Variants in ABL1 observed in about 807,000 individuals in gnomAD.
ABL1 encodes the protein tyrosine-protein kinase ABL1.
A neutral mutation model predicts 94.7 loss-of-function variants in ABL1; 11 were observed. The observed-to-expected ratio is 0.12, with a 90% CI of 0.07 to 0.19. ABL1 has a LOEUF of 0.19. Among genes scored for constraint, ABL1 ranks in the 10% least tolerant of loss-of-function variants. ABL1 has a pLI of 1.00. For synonymous variants in ABL1, 656 were observed against 622.4 expected (o/e 1.05, Z -0.80); for missense variants, 1,082 against 1,489.4 (o/e 0.73, Z 4.50).
At chr9:130,789,339 A>G (rs1253839928) in intron 1 of ABL1, among the ~76,000 whole-genome samples, 1 of 152,234 alleles carries the variant, frequency 6.6e-6, no homozygotes, top group African/African-American at 2.4e-5. Context: ...CTGCTCCCAC[A>G]TGGGTGTAGA....
intron 1 of ABL1, among the ~76,000 whole-genome samples, chr9:130,809,008 C>T (rs1350044146): frequency 1.3e-5 from 2 of 152,078 alleles, no homozygotes; most frequent in African/African-American, 2.4e-5. Flanking sequence ...GACCGCGGTG[C>T]GGGGAGAAGG....
At chr9:130,781,630 A>G (rs1829757356) in intron 1 of ABL1, among the ~76,000 whole-genome samples, 1 of 152,232 alleles carries the variant, frequency 6.6e-6, no homozygotes, top group Non-Finnish European at 1.5e-5. Context: ...CAAGGGGATT[A>G]TCCAAATTCC....
intron 1 of ABL1, among the ~76,000 whole-genome samples, chr9:130,767,757 G>C (rs1231823629): frequency 6.6e-6 from 1 of 152,226 alleles, no homozygotes; most frequent in Non-Finnish European, 1.5e-5. Flanking sequence ...ACGTGTGCAT[G>C]TGTGTGCACA....
Position 130,885,528 on chromosome 9 carries a change from A to G in ABL1, c.3238A>G (p.Lys1080Glu). ...YVDSIQQMRNKFAFREAINKL... is the reference protein window; with the variant it reads ...YVDSIQQMRNEFAFREAINKL... The stretch of plus-strand genomic sequence containing the variant: ...GGATTCCATCCAGCAAATGAGGAAC[A>G]AGTTTGCCTTCCGAGAGGCCATCAA... The change falls in exon 11 of 11, where the codon AAG (lysine) becomes GAG (glutamate). Residue 1080 changes from lysine to glutamate, a missense_variant. Lys to Glu is a moderately conservative substitution (Grantham distance 56, BLOSUM62 1). Around this residue, in one of 7 missense-constraint regions of ABL1, gnomAD observed 780 missense variants for 835.8 expected, o/e 0.93. Coordinates refer to ENST00000318560, the MANE Select transcript of ABL1 (RefSeq NM_005157.6). 1 of 1,614,182 alleles carries G rather than the reference A, an allele frequency of 6.2e-7. No individual in the cohort carries two copies. Among genetic ancestry groups the G allele is most frequent in the Non-Finnish European group, 8.5e-7 (1 of 1,180,040 alleles).
chr9:130,827,172 T>C (rs919550188), intron 1 of ABL1, among the ~76,000 whole-genome samples: 1 of 152,102 alleles, frequency 6.6e-6, no homozygotes, highest in African/African-American at 2.4e-5. Context: ...CCGAAAATAG[T>C]GGAGTGGGCA....
intron 1 of ABL1, among the ~76,000 whole-genome samples, chr9:130,786,654 T>G (rs1287308252): frequency 6.6e-6 from 1 of 152,176 alleles, no homozygotes; most frequent in Non-Finnish European, 1.5e-5. Flanking sequence ...CCCTTCTACA[T>G]CTTTCTGTCT....
intron 1 of ABL1, among the ~76,000 whole-genome samples, chr9:130,768,328 C>T (rs376390028): frequency 6.6e-6 from 1 of 152,154 alleles, no homozygotes; most frequent in African/African-American, 2.4e-5. Context: ...TTGGTGTGCA[C>T]GGGCATTTAG....
At chr9:130,741,229 G>A (rs2789767) in intron 1 of ABL1, among the ~76,000 whole-genome samples, 79,000 of 151,934 alleles carry the variant, frequency 0.52, 22,105 homozygotes, top group African/African-American at 0.73. Flanking sequence ...TCATGGTGCT[G>A]CCTGGCACCC....
chr9:130,737,124 G>T (rs2132705692), intron 1 of ABL1, among the ~76,000 whole-genome samples: 1 of 152,194 alleles, frequency 6.6e-6, no homozygotes, highest in African/African-American at 2.4e-5. Context: ...TTTTAGTAAG[G>T]AGAGACTTTA....
In ABL1 at chr9:130,719,230, G is replaced by A. The variant is rs1284560092; in HGVS notation, c.136+4775G>A. ...GGTTATCTTATAATACGAAAAATTC[G>A]AAGATTTAAAAACTGAGGCCAGGCA... On this transcript the variant is annotated intron_variant, in intron 1 of 10. Transcript: ENST00000372348. Among the ~76,000 whole-genome samples, 6 of 152,128 alleles carry A rather than the reference G, an allele frequency of 3.9e-5. No individual in the cohort carries two copies. In the East Asian group the frequency reaches 7.7e-4, roughly 20 times the overall value.
At chr9:130,866,150 C>T (rs573612176) in intron 4 of ABL1, among the ~76,000 whole-genome samples, 1 of 152,276 alleles carries the variant, frequency 6.6e-6, no homozygotes, top group South Asian at 2.1e-4. Flanking sequence ...CCTGTATCAA[C>T]ATTTTAATGC....
At chr9:130,721,786 A>G (rs1477776366) in intron 1 of ABL1, among the ~76,000 whole-genome samples, 4 of 148,236 alleles carry the variant, frequency 2.7e-5, no homozygotes, top group East Asian at 4.0e-4. Context: ...ATTGGATCCT[A>G]TAGGCATTAA....
At chr9:130,773,000 A>G (rs183650749) in intron 1 of ABL1, among the ~76,000 whole-genome samples, 3 of 152,340 alleles carry the variant, frequency 2.0e-5, no homozygotes, top group African/African-American at 7.2e-5. Flanking sequence ...TGCAAGAAAA[A>G]AGGTAAATCC....
chr9:130,783,498 TG>T (rs1440840693), intron 1 of ABL1, among the ~76,000 whole-genome samples: 2 of 152,320 alleles, frequency 1.3e-5, no homozygotes, highest in East Asian at 3.9e-4. Flanking sequence ...TGAATGTAAG[TG>T]GCTGTGAATT....
intron 1 of ABL1, among the ~76,000 whole-genome samples, chr9:130,785,720 C>T (rs941709047): frequency 1.3e-5 from 2 of 151,762 alleles, no homozygotes; most frequent in Admixed American, 6.6e-5. Context: ...GTCAGGAGTT[C>T]GAGAGCAACC....
intron 1 of ABL1, among the ~76,000 whole-genome samples, chr9:130,789,694 G>C (rs2183224): frequency 6.6e-6 from 1 of 152,042 alleles, no homozygotes; most frequent in Non-Finnish European, 1.5e-5. Context: ...TGAGGAAAGA[G>C]AGAGATACAT....
At chr9:130,789,293 A>G (rs1829871535) in intron 1 of ABL1, among the ~76,000 whole-genome samples, 1 of 152,230 alleles carries the variant, frequency 6.6e-6, no homozygotes, top group Non-Finnish European at 1.5e-5. Flanking sequence ...AGGGCAAAGA[A>G]AAAAAATCAC....
chr9:130,786,136 C>A (rs1829822692), intron 1 of ABL1, among the ~76,000 whole-genome samples: 1 of 152,152 alleles, frequency 6.6e-6, no homozygotes, highest in Non-Finnish European at 1.5e-5. Context: ...GGGGGAACGC[C>A]CAGGCCAGAG....
At chr9:130,871,346 C>T (rs928055960) in intron 4 of ABL1, among the ~76,000 whole-genome samples, 1 of 152,194 alleles carries the variant, frequency 6.6e-6, no homozygotes, top group African/African-American at 2.4e-5. Flanking sequence ...GACTTGACCC[C>T]AGACTGAAAA....
Sources: gnomAD v4.1 joint callset for allele counts (sites outside exome capture counted in the v4.1 genomes callset) on GRCh38, gnomAD v4.1.1 for gene constraint, gnomAD v4.1.1 regional missense constraint, MANE v1.5 for transcripts, NCBI Gene and HGNC (gene_info 2026-07-23, HGNC 2026-07-21) for gene names.